The following PGF variants were observed in gnomAD, a reference collection of about 807,000 sequenced individuals.
PGF encodes placental growth factor, also known as placenta growth factor.
In PGF, 11 loss-of-function variants were observed where a neutral mutation model predicts 25.3. The observed-to-expected ratio is 0.43, with a 90% CI of 0.27 to 0.72. The LOEUF (loss-of-function observed/expected upper bound fraction) is 0.72. PGF is among the 30% of genes least tolerant of loss of function. The pLI is 0.18. For missense variants in PGF, 230 were observed against 234.9 expected (o/e 0.98, Z 0.14); for synonymous variants, 105 against 97.9 (o/e 1.07, Z -0.43).
In PGF at chr14:74,942,565, T is replaced by A. The variant is rs1888626237; in HGVS notation, c.*141A>T. The A allele has an allele frequency of 1.2e-6, 1 of 802,640 alleles. No individual in the cohort carries two copies. Among genetic ancestry groups the A allele is most frequent in the Non-Finnish European group, 2.1e-6 (1 of 476,500 alleles). The allele number at this position is 802,640 out of a possible 1,614,324, so 49.7% of individuals were successfully genotyped here. A position where few individuals can be genotyped will look rare whatever the true frequency, so the allele number is the denominator to read the frequency against. The stretch of plus-strand genomic sequence containing the variant: ...TGAGGGTCCTGTCCTTCCCTGCCCC[T>A]CGTCTTGAAGGGAGCGAGGCATTCA... On this transcript the variant is annotated 3_prime_UTR_variant, in exon 7 of 7. Transcript: ENST00000555567.
rs185326024 is a variant in PGF, at chr14:74,942,253, C to A, written c.*453G>T. 487 of 176,164 alleles carry A rather than the reference C, an allele frequency of 2.8e-3. 2 individuals carry two copies. The highest frequency in any genetic ancestry group is 0.011 in the African/African-American group (451 of 41,738). The allele number at this position is 176,164 out of a possible 1,614,324, so 10.9% of individuals were successfully genotyped here. A position where few individuals can be genotyped will look rare whatever the true frequency, so the allele number is the denominator to read the frequency against. On this transcript the variant is annotated 3_prime_UTR_variant, in exon 7 of 7. Transcript: ENST00000555567. The stretch of plus-strand genomic sequence containing the variant: ...TGGCTGGATCCCCTCCGCCCGCTGC[C>A]GGCCTTCCCACCAGCCAGGCCGTGG...
At position 74,953,243 on chromosome 14, in the gene PGF, G is replaced by A. The variant is rs570849299; in HGVS notation, c.118+661C>T. On this transcript the variant is annotated intron_variant, in intron 2 of 6. Transcript: ENST00000555567. The surrounding 1 kb of genome is among the most constrained non-coding windows in gnomAD (Gnocchi z 5.4). ...CCCATGGCGCAGGGGAAACCTCAGC[G>A]GTGGTGTGTGGCCACTTTGCACGTC... Among the ~76,000 whole-genome samples, 8 of 152,348 alleles carry A rather than the reference G, an allele frequency of 5.3e-5. No homozygotes were observed. The South Asian group carries it at 1.0e-3, about 20-fold the overall frequency.
intron 6 of PGF, chr14:74,945,483 C>G (rs1047816372): frequency 2.6e-5 from 4 of 152,334 alleles, no homozygotes; most frequent in African/African-American, 4.8e-5. Flanking sequence ...CAACTCCACT[C>G]CATAGCACGA....
Position 74,953,068 on chromosome 14 carries a change from T to C in PGF, c.118+836A>G, listed in dbSNP as rs1888907706. 6.6e-6 allele frequency among the ~76,000 whole-genome samples: 1 copy of C among 152,210 alleles called. No individual in the cohort carries two copies. The highest frequency in any genetic ancestry group is 2.4e-5 in the African/African-American group (1 of 41,462). Reference sequence around the variant, plus strand: ...AAGGGCAGCTACCTCCTCTACCTGCTCAGGGGTCTAGGGGCCTAAGCCTTA... The same window carrying C: ...AAGGGCAGCTACCTCCTCTACCTGCCCAGGGGTCTAGGGGCCTAAGCCTTA... On this transcript the variant is annotated intron_variant, in intron 2 of 6. Transcript: ENST00000555567. This position sits in a 1 kb window ranked among gnomAD's most constrained non-coding sequence, Gnocchi z 5.4.
intron 4 of PGF, chr14:74,946,636 C>T: frequency 3.1e-6 from 2 of 637,764 alleles, no homozygotes; most frequent in Non-Finnish European, 5.7e-6. Context: ...ACAAATCAAC[C>T]TCCTGGGGAC....
At chr14:74,944,081 A>T (rs201619578) in intron 6 of PGF, among the ~76,000 whole-genome samples, 40 of 133,182 alleles carry the variant, frequency 3.0e-4, no homozygotes, top group Admixed American at 5.5e-4. Context: ...GTGTTCCTGT[A>T]TTTTTTTTTT....
At position 74,948,487 on chromosome 14, in the gene PGF, A is replaced by C. The variant is rs772303208; in HGVS notation, c.392+20T>G. On this transcript the variant is annotated intron_variant, in intron 4 of 6. Transcript: ENST00000555567. ...GGACGGGGGCCTTTCCTTGCTACCCACCCGACCCCGGAGACCTACCGGCAT... is the reference window on the plus strand; with the variant it reads ...GGACGGGGGCCTTTCCTTGCTACCCCCCCGACCCCGGAGACCTACCGGCAT... The C allele has an allele frequency of 1.1e-5, 17 of 1,526,940 alleles. No individual in the cohort carries two copies. In the South Asian group the frequency reaches 1.5e-4, roughly 13 times the overall value. 94.6% of individuals were successfully genotyped at this position (1,526,940 alleles called of 1,614,324 possible).
At chr14:74,942,853 G>T in intron 6 of PGF, 120 bp from the exon 7 acceptor site, 3 of 843,926 alleles carry the variant, frequency 3.6e-6, no homozygotes, top group African/African-American at 1.8e-5. Context: ...TGGGGAGGGC[G>T]CAGTGCTCCT....
At chr14:74,946,511 C>T in intron 4 of PGF, 103 bp from the exon 5 acceptor site, 4 of 1,165,744 alleles carry the variant, frequency 3.4e-6, no homozygotes, top group South Asian at 1.5e-5. Flanking sequence ...CAGTCCTGGT[C>T]CTGCAGCTGA....
rs1888631590 is a variant in PGF at position 74,942,720 on chromosome 14, C to G, written c.499G>C (p.Val167Leu). 7.4e-6 allele frequency: 12 copies of G among 1,611,442 alleles called. No individual in the cohort carries two copies. The highest frequency in any genetic ancestry group is 1.0e-5 in the Non-Finnish European group (12 of 1,179,010). ...PTDCHLCGDA[V>L]PRR ...CAAGGGGTGGGTTACCTCCGGGGAA[C>G]AGCATCGCCGCACCTGCCAGAGACC... is the stretch of plus-strand genomic sequence containing the variant. Residue 167 changes from valine (V) to leucine (L), a missense_variant, in exon 7 of 7, where the codon GTT becomes CTT. Transcript: ENST00000555567.
At chr14:74,949,999 C>T (rs1888837294) in intron 2 of PGF, among the ~76,000 whole-genome samples, 1 of 152,142 alleles carries the variant, frequency 6.6e-6, no homozygotes, top group African/African-American at 2.4e-5. Flanking sequence ...ACGGCTCCCT[C>T]ATTTCCTGCC....
rs956046994 is a variant in PGF, at chr14:74,942,310, G to A, written c.*396C>T. 1.1e-5 allele frequency: 2 copies of A among 186,392 alleles called. No homozygotes were observed. Among genetic ancestry groups the A allele is most frequent in the Non-Finnish European group, 2.2e-5 (2 of 89,950 alleles). 11.5% of individuals were successfully genotyped at this position (186,392 alleles called of 1,614,324 possible). ...CAGCAGGATCCGCATCCCTACTTTG[G>A]ACAGGAGCTCCGAAAGCAAGGGCTG... On this transcript the variant is annotated 3_prime_UTR_variant, in exon 7 of 7. Transcript: ENST00000555567.
chr14:74,954,038 C>G, intron 1 of PGF, 92 bp from the exon 2 acceptor site: 1 of 1,265,246 alleles, frequency 7.9e-7, no homozygotes, highest in Non-Finnish European at 1.1e-6. Flanking sequence ...AGGGGCCCCT[C>G]TGGGTTCCTT....
At chr14:74,948,291 C>A in intron 4 of PGF, 1 of 463,102 alleles carries the variant, frequency 2.2e-6, no homozygotes, top group Non-Finnish European at 3.9e-6. Flanking sequence ...ACCCCAGCTG[C>A]TGGGACCAGC....
chr14:74,946,125 C>T, intron 6 of PGF, 88 bp downstream of exon 6: 7 of 1,227,718 alleles, frequency 5.7e-6, no homozygotes, highest in Admixed American at 1.7e-5. Flanking sequence ...AGTCCTGCCT[C>T]TCCCCCTCCC....
chr14:74,951,343 A>G (rs1888867277), intron 2 of PGF, among the ~76,000 whole-genome samples: 3 of 152,228 alleles, frequency 2.0e-5, no homozygotes, highest in Non-Finnish European at 4.4e-5. Context: ...AGTGCAGGGA[A>G]GCCTGCCTTT....
At position 74,949,521 on chromosome 14, in the gene PGF, A is replaced by G; in HGVS notation, c.151T>C (p.Tyr51His). Reference protein sequence around the residue: ...VPFQEVWGRSYCRALERLVDV... With the variant: ...VPFQEVWGRSHCRALERLVDV... ...ACCAGCCTCTCCAGCGCCCGGCAGT[A>G]GCTGCGGCCCCACACTTCCTGGAAG... The change falls in exon 3 of 7, where the codon TAC becomes CAC. Residue 51 changes from tyrosine to histidine, a missense_variant. Transcript: ENST00000555567. 2 of 1,594,798 alleles carry G rather than the reference A, an allele frequency of 1.3e-6. No individual in the cohort carries two copies. Among genetic ancestry groups the G allele is most frequent in the Non-Finnish European group, 1.7e-6 (2 of 1,171,324 alleles).
intron 6 of PGF, chr14:74,945,444 A>AGTGG (rs1888710021): frequency 6.6e-6 from 1 of 152,194 alleles, no homozygotes; most frequent in African/African-American, 2.4e-5. Context: ...GTCTTCATGG[A>AGTGG]GTGGGGCTCA....
intron 2 of PGF, among the ~76,000 whole-genome samples, chr14:74,952,010 G>C (rs1466155536): frequency 6.6e-6 from 1 of 152,122 alleles, no homozygotes; most frequent in African/African-American, 2.4e-5. Flanking sequence ...GCTCCGGGAG[G>C]GGGTGGAGGT....
Sources: gnomAD v4.1 joint callset for allele counts (sites outside exome capture counted in the v4.1 genomes callset) on GRCh38, gnomAD v4.1.1 for gene constraint, Gnocchi (gnomAD v3.1) non-coding constraint, MANE v1.5 for transcripts, NCBI Gene and HGNC (gene_info 2026-07-23, HGNC 2026-07-21) for gene names.